TMEM68: variants seen among roughly 807,000 people sequenced by gnomAD.
TMEM68 encodes DGAT1/2-independent enzyme synthesizing storage lipids.
TMEM68 carries 25 observed loss-of-function variants against 36.9 expected under a neutral mutation model. The observed-to-expected ratio is 0.68, with a 90% CI of 0.49 to 0.95. The LOEUF (loss-of-function observed/expected upper bound fraction) is 0.95. Among genes scored for constraint, TMEM68 ranks in the 40% least tolerant of loss-of-function variants. The pLI, the probability that TMEM68 is intolerant of heterozygous loss-of-function variation, is 0.00. For missense variants in TMEM68, 333 were observed against 392.0 expected (o/e 0.85, Z 1.27); for synonymous variants, 131 against 124.4 (o/e 1.05, Z -0.35).
chr8:55,762,913 G>C lies in TMEM68; in HGVS notation c.47C>G (p.Pro16Arg). 1.9e-6 allele frequency: 3 copies of C among 1,613,280 alleles called. No homozygotes were observed. The highest frequency in any genetic ancestry group is 2.5e-6 in the Non-Finnish European group (3 of 1,179,726). Residue 16 changes from proline to arginine, a missense_variant, in exon 3 of 8, where the codon CCC becomes CGC. By Grantham distance (103) the Pro-to-Arg change is moderately radical. Coordinates refer to ENST00000434581, the MANE Select transcript of TMEM68 (RefSeq NM_001286657.2). ...QTCGVGQDSV[P>R]YMICLIHILE... ...TATGTGAATCAGACAAATCATATAG[G>C]GCACAGAATCCTGTCCTACACCACA...
In TMEM68 at chr8:55,762,973, A is replaced by G. The variant is rs766048413; in HGVS notation, c.-14T>C. ...TTTGTCTATCATTTTTCTTCAGGTG[A>G]AAATGACAAATTCAGTTTCTTTCTT... On this transcript the variant is annotated 5_prime_UTR_variant, in exon 3 of 8. Coordinates refer to ENST00000434581, the MANE Select transcript of TMEM68 (RefSeq NM_001286657.2). The G allele has an allele frequency of 2.6e-5, 40 of 1,564,146 alleles. 2 individuals carry two copies. The South Asian group carries it at 4.6e-4, about 18-fold the overall frequency.
At chr8:55,755,034 C>T (rs1324544299) in intron 4 of TMEM68, among the ~76,000 whole-genome samples, 4 of 148,334 alleles carry the variant, frequency 2.7e-5, no homozygotes, top group Non-Finnish European at 4.4e-5. Flanking sequence ...TGCAGTGGCT[C>T]GCACTTGTAA....
At chr8:55,767,444 A>C (rs938529915) in intron 1 of TMEM68, among the ~76,000 whole-genome samples, 6 of 152,152 alleles carry the variant, frequency 3.9e-5, no homozygotes, top group African/African-American at 1.4e-4. Context: ...TAAACATGTT[A>C]AGTTTAAGAT....
At chr8:55,750,546 T>TC (rs1040581754) in intron 5 of TMEM68, among the ~76,000 whole-genome samples, 4 of 150,174 alleles carry the variant, frequency 2.7e-5, no homozygotes, top group African/African-American at 9.8e-5. Context: ...CCAGTCTTTT[T>TC]TTTTTTTTTT....
rs1810257537 is a variant in TMEM68, at chr8:55,745,969, T to C, written c.688-848A>G. On this transcript the variant is annotated intron_variant, in intron 5 of 7. Transcript: ENST00000434581. Reference sequence around the variant, plus strand: ...TTAAATCTAAAATACTCAACATCAATGAAAAGTAACTATAAGACTCAACCA... The same window carrying C: ...TTAAATCTAAAATACTCAACATCAACGAAAAGTAACTATAAGACTCAACCA... 5 of 152,100 alleles carry C rather than the reference T, an allele frequency of 3.3e-5. No homozygotes were observed. The South Asian group carries it at 1.0e-3, about 32-fold the overall frequency. 9.4% of individuals were successfully genotyped at this position (152,100 alleles called of 1,614,324 possible). A position where few individuals can be genotyped will look rare whatever the true frequency, so the allele number is the denominator to read the frequency against.
chr8:55,744,928 T>C, intron 6 of TMEM68, 133 bp downstream of exon 6: 3 of 534,792 alleles, frequency 5.6e-6, no homozygotes, highest in Non-Finnish European at 9.0e-6. Context: ...ATTTGGACTT[T>C]AAACAGAAAA....
chr8:55,765,775 G>A (rs1358832973), intron 1 of TMEM68, among the ~76,000 whole-genome samples: 1 of 152,210 alleles, frequency 6.6e-6, no homozygotes, highest in African/African-American at 2.4e-5. Flanking sequence ...CGGGAACACA[G>A]TGGATGACAT....
chr8:55,741,607 G>C (rs1810104763), intron 7 of TMEM68, among the ~76,000 whole-genome samples: 1 of 152,146 alleles, frequency 6.6e-6, no homozygotes, highest in Non-Finnish European at 1.5e-5. Context: ...GAGCCCACTG[G>C]GTAGGCAGTG....
At chr8:55,765,846 T>A (rs1810947160) in intron 1 of TMEM68, among the ~76,000 whole-genome samples, 1 of 152,166 alleles carries the variant, frequency 6.6e-6, no homozygotes, top group Non-Finnish European at 1.5e-5. Flanking sequence ...CTTAAGCAAG[T>A]TACACCTCTC....
At chr8:55,767,842 C>G (rs929007600) in intron 1 of TMEM68, among the ~76,000 whole-genome samples, 1 of 151,996 alleles carries the variant, frequency 6.6e-6, no homozygotes. Flanking sequence ...GAGGCTGAGG[C>G]AGGAGAATCG....
intron 4 of TMEM68, among the ~76,000 whole-genome samples, chr8:55,754,917 A>G (rs868532543): frequency 0.017 from 758 of 45,092 alleles, 4 homozygotes; most frequent in African/African-American, 0.06. Flanking sequence ...TATATATTAT[A>G]TATTTATATA....
intron 7 of TMEM68, among the ~76,000 whole-genome samples, chr8:55,741,357 G>A (rs940486020): frequency 6.6e-5 from 10 of 152,218 alleles, no homozygotes; most frequent in Admixed American, 5.9e-4. Flanking sequence ...ACTTAACACA[G>A]TGACTGCCAC....
At chr8:55,768,223 T>C (rs1175620877) in intron 1 of TMEM68, among the ~76,000 whole-genome samples, 1 of 152,156 alleles carries the variant, frequency 6.6e-6, no homozygotes, top group African/African-American at 2.4e-5. Flanking sequence ...AGAGCTGTTT[T>C]TGTATAGTAG....
In TMEM68 at chr8:55,762,732, T is replaced by C. The variant is rs764893339; in HGVS notation, c.228A>G (p.Arg76=). Reference sequence around the variant, plus strand: ...AGTAGGCTTCTTTCAATACATTCTTTCTCTTATAAATGTGTAAGAAAATAA... The same window carrying C: ...AGTAGGCTTCTTTCAATACATTCTTCCTCTTATAAATGTGTAAGAAAATAA... ...LTIIFLHIYK[R]KNVLKEAYSH... The change falls in exon 3 of 8, where the codon AGA becomes AGG. Residue 76 remains arginine (R), a synonymous_variant. Coordinates refer to ENST00000434581, the MANE Select transcript of TMEM68 (RefSeq NM_001286657.2). The C allele has an allele frequency of 6.2e-7, 1 of 1,614,018 alleles. No individual in the cohort carries two copies. Among genetic ancestry groups the C allele is most frequent in the East Asian group, 2.2e-5 (1 of 44,878 alleles).
chr8:55,764,381 C>G (rs1243937708), intron 1 of TMEM68, among the ~76,000 whole-genome samples: 3 of 152,064 alleles, frequency 2.0e-5, no homozygotes, highest in Non-Finnish European at 4.4e-5. Context: ...TAATATTTTC[C>G]TACAAAAGAT....
At chr8:55,754,736 TTATA>T (rs527365588) in intron 4 of TMEM68, among the ~76,000 whole-genome samples, 4 of 122,932 alleles carry the variant, frequency 3.3e-5, no homozygotes, top group African/African-American at 9.7e-5. Flanking sequence ...AAATACATAC[TTATA>T]TATATATTAT....
In TMEM68 at chr8:55,743,585, G is replaced by C. The variant is rs1810170610; in HGVS notation, c.784C>G (p.Pro262Ala). The change falls in exon 7 of 8, where the codon CCA (proline) becomes GCA (alanine). Residue 262 changes from proline to alanine, a missense_variant. Transcript: ENST00000434581. ...AAACCTCCATACATTGGAGCAAATG[G>C]ATAGCGGAATTTTTCATAAAGCCAC... ...FRWLYEKFRYPFAPMYGGFPV... is the reference protein window; with the variant it reads ...FRWLYEKFRYAFAPMYGGFPV... The C allele has an allele frequency of 6.5e-7, 1 of 1,535,442 alleles. No homozygotes were observed.
intron 1 of TMEM68, among the ~76,000 whole-genome samples, chr8:55,771,011 C>T (rs138859292): frequency 2.0e-4 from 31 of 152,154 alleles, no homozygotes; most frequent in African/African-American, 6.3e-4. Context: ...CAAAATTATC[C>T]AGGTGTGGTG....
intron 4 of TMEM68, chr8:55,751,430 G>C: frequency 2.3e-6 from 1 of 428,852 alleles, no homozygotes; most frequent in Non-Finnish European, 4.2e-6. Flanking sequence ...CAGAATAATA[G>C]CTTGCTCAAA....
Sources: gnomAD v4.1 joint callset for allele counts (sites outside exome capture counted in the v4.1 genomes callset) on GRCh38, gnomAD v4.1.1 for gene constraint, MANE v1.5 for transcripts, NCBI Gene and HGNC (gene_info 2026-07-23, HGNC 2026-07-21) for gene names.